ABCA13: variants seen among roughly 807,000 people sequenced by gnomAD.
ABCA13 encodes the protein ATP-binding cassette sub-family A member 13.
In ABCA13, 476 loss-of-function variants were observed where a neutral mutation model predicts 478.7. The observed-to-expected ratio is 0.99, with a 90% CI of 0.92 to 1.07. ABCA13 has a LOEUF of 1.07. Ranked by LOEUF, ABCA13 falls within the 50% of genes least tolerant of loss-of-function variation. ABCA13 has a pLI of 0.00. For synonymous variants in ABCA13, 2,252 were observed against 2,158.9 expected (o/e 1.04, Z -1.20); for missense variants, 6,060 against 5,910.6 (o/e 1.03, Z -0.83).
Position 48,352,459 on chromosome 7 carries a change from G to A in ABCA13, c.10660G>A (p.Ala3554Thr), listed in dbSNP as rs940442411. The A allele has an allele frequency of 1.9e-6, 3 of 1,609,408 alleles. No homozygotes were observed. Among genetic ancestry groups the A allele is most frequent in the African/African-American group, 2.7e-5 (2 of 74,516 alleles). ...ALEPAAQTQA[A>T]PYPCHTSDLF... is the part of the protein sequence containing the mutation. ...GGAACCAGCAGCACAGACTCAGGCG[G>A]CCCCTTACCCCTGCCATACCAGCGA... The change falls in exon 31 of 62, where the codon GCC becomes ACC. Residue 3554 changes from alanine to threonine, a missense_variant. Transcript: ENST00000435803.
At position 48,411,183 on chromosome 7, in the gene ABCA13, C is replaced by CTCTT. The variant is rs371505723; in HGVS notation, c.12228+513_12228+516dup. Among the ~76,000 whole-genome samples, 126 of 89,628 alleles carry CTCTT rather than the reference C, an allele frequency of 1.4e-3. 19 individuals carry two copies. Among genetic ancestry groups the CTCTT allele is most frequent in the Admixed American group, 2.1e-3 (17 of 8,064 alleles). The allele number at this position is 89,628 out of a possible 152,430, so 58.8% of individuals were successfully genotyped here. A position where few individuals can be genotyped will look rare whatever the true frequency, so the allele number is the denominator to read the frequency against. On this transcript the variant is annotated intron_variant, in intron 40 of 61. Coordinates refer to ENST00000435803, the MANE Select transcript of ABCA13 (RefSeq NM_152701.5). Reference sequence around the variant, plus strand: ...TTCCCTTCTCTTTCTTTCTTTCTTTCTCTTTCTTTCCTTTTCTTTTCTTTC... The same window carrying CTCTT: ...TTCCCTTCTCTTTCTTTCTTTCTTTCTCTTTCTTTCTTTCCTTTTCTTTTCTTTC...
intron 51 of ABCA13, among the ~76,000 whole-genome samples, chr7:48,513,942 G>C (rs1284529099): frequency 6.6e-6 from 1 of 152,080 alleles, no homozygotes; most frequent in African/African-American, 2.4e-5. Flanking sequence ...GCTTCATTTA[G>C]GACAATGTCT....
At chr7:48,180,702 C>T (rs1267944766) in intron 1 of ABCA13, among the ~76,000 whole-genome samples, 1 of 152,142 alleles carries the variant, frequency 6.6e-6, no homozygotes, top group Non-Finnish European at 1.5e-5. Flanking sequence ...GTTGGGATTA[C>T]AGGCGTGAGC....
At chr7:48,264,985 A>G (rs576146884) in intron 15 of ABCA13, among the ~76,000 whole-genome samples, 1 of 151,666 alleles carries the variant, frequency 6.6e-6, no homozygotes, top group Non-Finnish European at 1.5e-5. Flanking sequence ...ACTGAAGTTT[A>G]TTATGATTAC....
intron 27 of ABCA13, among the ~76,000 whole-genome samples, chr7:48,330,737 ACATCCATCCATCCATCCATC>A (rs201089135): frequency 5.1e-4 from 70 of 136,968 alleles, no homozygotes; most frequent in African/African-American, 1.8e-3. Context: ...ATCCATTGAC[ACATCCATCCATCCATCCATC>A]CATCCATCCA....
intron 5 of ABCA13, among the ~76,000 whole-genome samples, chr7:48,225,639 T>C (rs770364333): frequency 2.0e-5 from 3 of 152,240 alleles, no homozygotes; most frequent in Non-Finnish European, 4.4e-5. Context: ...TTTGAATAGA[T>C]CACTTATTTT....
At chr7:48,536,989 T>A (rs1182550829) in intron 55 of ABCA13, among the ~76,000 whole-genome samples, 1 of 152,086 alleles carries the variant, frequency 6.6e-6, no homozygotes, top group East Asian at 1.9e-4. Context: ...ATTACTTACA[T>A]AGGATTATAA....
intron 59 of ABCA13, among the ~76,000 whole-genome samples, chr7:48,635,220 C>CAA (rs11364153): frequency 4.0e-5 from 5 of 124,192 alleles, no homozygotes; most frequent in East Asian, 2.4e-4. Flanking sequence ...ATTTTGTTGC[C>CAA]AAAAAAAAAA....
chr7:48,532,453 G>T (rs1833302713), intron 55 of ABCA13, among the ~76,000 whole-genome samples: 1 of 151,744 alleles, frequency 6.6e-6, no homozygotes, highest in Non-Finnish European at 1.5e-5. Context: ...TTGGTGTGTT[G>T]TGTTGTGTTC....
chr7:48,622,938 A>G (rs1793290629), intron 59 of ABCA13, among the ~76,000 whole-genome samples: 1 of 152,196 alleles, frequency 6.6e-6, no homozygotes, highest in African/African-American at 2.4e-5. Context: ...TTCTGGTGCT[A>G]CTTTGCTCTA....
intron 21 of ABCA13, among the ~76,000 whole-genome samples, chr7:48,296,757 G>A (rs1799437300): frequency 6.6e-6 from 1 of 152,046 alleles, no homozygotes; most frequent in African/African-American, 2.4e-5. Context: ...CACCGCACCC[G>A]GTCGCAAATA....
chr7:48,638,148 C>T (rs1467040868), intron 59 of ABCA13, among the ~76,000 whole-genome samples: 1 of 152,112 alleles, frequency 6.6e-6, no homozygotes, highest in African/African-American at 2.4e-5. Flanking sequence ...GGAAGGCACT[C>T]GTTACATCAT....
chr7:48,434,983 T>G (rs1402489747), intron 42 of ABCA13, among the ~76,000 whole-genome samples: 4 of 151,934 alleles, frequency 2.6e-5, no homozygotes, highest in Non-Finnish European at 5.9e-5. Context: ...GTTTTAGCTA[T>G]TCAGGGCCTC....
intron 55 of ABCA13, among the ~76,000 whole-genome samples, chr7:48,532,008 T>C (rs1373044008): frequency 6.6e-6 from 1 of 152,144 alleles, no homozygotes; most frequent in Non-Finnish European, 1.5e-5. Context: ...CCTGTGTGAT[T>C]GCTCTGGCTA....
intron 8 of ABCA13, among the ~76,000 whole-genome samples, chr7:48,238,402 T>C (rs1457059584): frequency 6.6e-6 from 1 of 152,156 alleles, no homozygotes; most frequent in African/African-American, 2.4e-5. Flanking sequence ...AATAGGGGAA[T>C]GTGCTTCATT....
At chr7:48,376,042 A>T (rs1813426263) in intron 34 of ABCA13, among the ~76,000 whole-genome samples, 1 of 152,184 alleles carries the variant, frequency 6.6e-6, no homozygotes, top group East Asian at 1.9e-4. Flanking sequence ...TATATATCCT[A>T]TTATATATTT....
chr7:48,272,964 T>A lies in ABCA13; in HGVS notation c.3298T>A (p.Leu1100Met). The change falls in exon 17 of 62, where the codon TTG becomes ATG. Residue 1100 changes from leucine to methionine, a missense_variant. Transcript: ENST00000435803. Reference sequence around the variant, plus strand: ...AGAAGACCTATTGGATAATAAATGCTTGATTTCGGACAATAAACACATTTC... The same window carrying A: ...AGAAGACCTATTGGATAATAAATGCATGATTTCGGACAATAAACACATTTC... Reference protein sequence around the residue: ...SVEDLLDNKCLISDNKHISSV... With the variant: ...SVEDLLDNKCMISDNKHISSV... The A allele has an allele frequency of 6.2e-7, 1 of 1,613,508 alleles. No individual in the cohort carries two copies. Among genetic ancestry groups the A allele is most frequent in the Middle Eastern group, 1.7e-4 (1 of 6,060 alleles).
chr7:48,285,802 A>G (rs1382780950), intron 19 of ABCA13, among the ~76,000 whole-genome samples: 2 of 152,242 alleles, frequency 1.3e-5, no homozygotes, highest in Admixed American at 1.3e-4. Context: ...GTGCTGTGAT[A>G]TATAACAGCA....
intron 41 of ABCA13, among the ~76,000 whole-genome samples, chr7:48,422,919 AC>A (rs1332671686): frequency 4.6e-5 from 7 of 152,232 alleles, no homozygotes; most frequent in African/African-American, 1.7e-4. Flanking sequence ...CATTGGCCAA[AC>A]AATATTGGCA....
Sources: allele counts gnomAD v4.1 joint callset (sites outside exome capture counted in the v4.1 genomes callset), GRCh38; gene constraint gnomAD v4.1.1; transcripts MANE v1.5; gene names NCBI Gene and HGNC (gene_info 2026-07-23, HGNC 2026-07-21).